Variants in TMEM131 observed in about 807,000 individuals in gnomAD.
TMEM131 encodes the protein transmembrane protein 131, also known as 2610524E03Rik.
A neutral mutation model predicts 211.6 loss-of-function variants in TMEM131; 66 were observed. The observed-to-expected ratio is 0.31, with a 90% CI of 0.26 to 0.38. The LOEUF is 0.38. TMEM131 is among the 10% of genes least tolerant of loss of function. The pLI is 1.00. For synonymous variants in TMEM131, 844 were observed against 841.3 expected, an observed-to-expected ratio of 1.00 and a Z score of -0.06; for missense variants, 2,036 against 2,299.3, an observed-to-expected ratio of 0.89 and a Z score of 2.34.
At chr2:97,804,841 T>C (rs1297315862) in intron 22 of TMEM131, among the ~76,000 whole-genome samples, 1 of 152,124 alleles carries the variant, frequency 6.6e-6, no homozygotes, top group Non-Finnish European at 1.5e-5. Context: ...ACTTCAAATA[T>C]TTTCTTGGAG....
At chr2:97,829,586 T>TA (rs1395633636) in intron 11 of TMEM131, among the ~76,000 whole-genome samples, 1 of 152,188 alleles carries the variant, frequency 6.6e-6, no homozygotes, top group African/African-American at 2.4e-5. Flanking sequence ...GAATAAAAGC[T>TA]AGCCACCCAA....
intron 4 of TMEM131, among the ~76,000 whole-genome samples, chr2:97,870,498 C>T (rs1403776117): frequency 6.6e-6 from 1 of 152,056 alleles, no homozygotes; most frequent in Non-Finnish European, 1.5e-5. Flanking sequence ...AGCAGGCATA[C>T]AGCTGTTCTC....
chr2:97,991,386 G>A (rs1234573253), intron 1 of TMEM131, among the ~76,000 whole-genome samples: 2 of 152,244 alleles, frequency 1.3e-5, no homozygotes, highest in Admixed American at 1.3e-4. Flanking sequence ...GTGCCCCATG[G>A]TGAAGGCAGT....
chr2:97,786,864 C>T (rs1206159130), intron 31 of TMEM131, among the ~76,000 whole-genome samples: 1 of 152,218 alleles, frequency 6.6e-6, no homozygotes. Context: ...TATTCGATGT[C>T]CTCAGATTCA....
intron 1 of TMEM131, among the ~76,000 whole-genome samples, chr2:97,938,941 C>T (rs1400946175): frequency 1.3e-5 from 2 of 151,964 alleles, no homozygotes; most frequent in African/African-American, 2.4e-5. Context: ...GGGTACATAA[C>T]GAAATGAAGG....
chr2:97,786,508 G>C (rs537612408), intron 31 of TMEM131, among the ~76,000 whole-genome samples: 1 of 152,302 alleles, frequency 6.6e-6, no homozygotes, highest in Admixed American at 6.5e-5. Flanking sequence ...CAGCCAGTGA[G>C]ACTCTGTCTT....
Position 97,809,673 on chromosome 2 carries a change from T to C in TMEM131, c.2055+15A>G. ...AAAACGAGCAATAGAAAAATGTGTG[T>C]ATTAATGGTCTTACTGGAAAGGAAG... On this transcript the variant is annotated intron_variant, in intron 19 of 40. Transcript: ENST00000186436. 2.5e-6 allele frequency: 4 copies of C among 1,598,036 alleles called. No homozygotes were observed. The highest frequency in any genetic ancestry group is 3.4e-6 in the Non-Finnish European group (4 of 1,168,986).
At chr2:97,956,672 TTAAG>T (rs1265457939) in intron 1 of TMEM131, among the ~76,000 whole-genome samples, 1 of 146,182 alleles carries the variant, frequency 6.8e-6, no homozygotes, top group Non-Finnish European at 1.5e-5. Flanking sequence ...TCTTTTTTCA[TTAAG>T]TAGTGTAAAC....
intron 25 of TMEM131, among the ~76,000 whole-genome samples, chr2:97,799,844 A>T (rs1680942227): frequency 6.6e-6 from 1 of 152,224 alleles, no homozygotes; most frequent in African/African-American, 2.4e-5. Context: ...GATTTTCATT[A>T]CATACTTCGA....
chr2:97,831,276 C>T (rs1331226146), intron 11 of TMEM131, among the ~76,000 whole-genome samples: 2 of 152,238 alleles, frequency 1.3e-5, no homozygotes, highest in Non-Finnish European at 2.9e-5. Context: ...TCCCATTACA[C>T]TTAGAATAAA....
chr2:97,912,997 A>G (rs1676349617), intron 2 of TMEM131: 1 of 152,220 alleles, frequency 6.6e-6, no homozygotes, highest in African/African-American at 2.4e-5. Context: ...GTGGTTCTCA[A>G]CCGAGGGCAA....
chr2:97,952,669 G>A (rs1286730316), intron 1 of TMEM131, among the ~76,000 whole-genome samples: 1 of 152,146 alleles, frequency 6.6e-6, no homozygotes, highest in East Asian at 1.9e-4. Flanking sequence ...TTGAGCCCAG[G>A]AGCTCGAGAC....
At chr2:97,964,187 AAAT>A (rs1244825133) in intron 1 of TMEM131, among the ~76,000 whole-genome samples, 2 of 152,308 alleles carry the variant, frequency 1.3e-5, no homozygotes, top group African/African-American at 4.8e-5. Context: ...TCCCCAGACA[AAAT>A]AATAATAATA....
intron 39 of TMEM131, chr2:97,759,350 G>A (rs1678688649): frequency 3.8e-6 from 2 of 529,492 alleles, no homozygotes; most frequent in East Asian, 6.2e-5. Context: ...GCAAGAAGAG[G>A]ACCCCTGGCA....
intron 4 of TMEM131, among the ~76,000 whole-genome samples, chr2:97,868,851 G>A (rs1011036991): frequency 1.3e-5 from 2 of 152,180 alleles, no homozygotes; most frequent in Non-Finnish European, 2.9e-5. Context: ...TGGAGACTCA[G>A]ATCCTTTAAA....
At chr2:97,964,379 T>A (rs1278963762) in intron 1 of TMEM131, among the ~76,000 whole-genome samples, 1 of 152,244 alleles carries the variant, frequency 6.6e-6, no homozygotes, top group Non-Finnish European at 1.5e-5. Context: ...GCAAGCCACA[T>A]ACCTCCTCTT....
At chr2:97,863,614 G>C (rs1674153952) in intron 4 of TMEM131, among the ~76,000 whole-genome samples, 1 of 152,092 alleles carries the variant, frequency 6.6e-6, no homozygotes, top group Non-Finnish European at 1.5e-5. Flanking sequence ...TTTCTCAAAA[G>C]AAGACATACA....
At chr2:97,804,265 C>A (rs540341192) in intron 22 of TMEM131, among the ~76,000 whole-genome samples, 1 of 152,150 alleles carries the variant, frequency 6.6e-6, no homozygotes, top group East Asian at 1.9e-4. Context: ...AATCTGGGTG[C>A]AGTATTGATT....
At chr2:97,848,380 C>T (rs928242225) in intron 5 of TMEM131, among the ~76,000 whole-genome samples, 3 of 152,128 alleles carry the variant, frequency 2.0e-5, no homozygotes, top group Admixed American at 6.5e-5. Context: ...GGGATTGGCT[C>T]CAGGACTTCA....
Sources: allele counts gnomAD v4.1 joint callset (sites outside exome capture counted in the v4.1 genomes callset), GRCh38; gene constraint gnomAD v4.1.1; transcripts MANE v1.5; gene names NCBI Gene and HGNC (gene_info 2026-07-23, HGNC 2026-07-21).